Variants in SYNDIG1 observed in about 807,000 individuals in gnomAD.
SYNDIG1 encodes synapse differentiation inducing 1, also known as synapse differentiation-inducing gene protein 1.
A neutral mutation model predicts 19.4 loss-of-function variants in SYNDIG1; 9 were observed. The ratio of observed to expected loss-of-function variants is 0.46; its 90% CI spans 0.28 to 0.81. SYNDIG1 has a LOEUF of 0.81. Ranked by LOEUF, SYNDIG1 falls within the 30% of genes least tolerant of loss-of-function variation. The probability of loss-of-function intolerance (pLI) is 0.12; values close to 1 mark genes in which losing one functional copy is unlikely to be tolerated. For missense variants in SYNDIG1, 311 were observed against 343.3 expected (o/e 0.91, Z 0.74); for synonymous variants, 141 against 145.9 (o/e 0.97, Z 0.24).
chr20:24,595,490 C>T lies in SYNDIG1; in HGVS notation c.618+10497C>T, dbSNP rs1052216285. ...GTTAAGTCTTTGCCAGGTTTTGGTACCAGGATGATACTGACCTCATAGGAT... is the reference window on the plus strand; with the variant it reads ...GTTAAGTCTTTGCCAGGTTTTGGTATCAGGATGATACTGACCTCATAGGAT... On this transcript the variant is annotated intron_variant, in intron 3 of 3. Transcript: ENST00000376862. Among the ~76,000 whole-genome samples, 4 of 152,048 alleles carry T rather than the reference C, an allele frequency of 2.6e-5. No homozygotes were observed. In the East Asian group the frequency reaches 5.8e-4, roughly 22 times the overall value.
At chr20:24,546,431 T>A (rs1381725575) in intron 2 of SYNDIG1, among the ~76,000 whole-genome samples, 1 of 152,254 alleles carries the variant, frequency 6.6e-6, no homozygotes, top group Non-Finnish European at 1.5e-5. Flanking sequence ...GTGATTGTTC[T>A]GCTGGTCTCA....
At chr20:24,493,907 T>G (rs1210728316) in intron 1 of SYNDIG1, among the ~76,000 whole-genome samples, 3 of 151,906 alleles carry the variant, frequency 2.0e-5, no homozygotes, top group Admixed American at 6.6e-5. Context: ...GAAGAAAAGA[T>G]AAAGGAAGGG....
intron 1 of SYNDIG1, among the ~76,000 whole-genome samples, chr20:24,487,462 G>A (rs1353943487): frequency 1.3e-5 from 2 of 152,114 alleles, no homozygotes; most frequent in Non-Finnish European, 2.9e-5. Context: ...GCCATGCTGA[G>A]TTATCTGCTC....
Position 24,497,982 on chromosome 20 carries a change from T to C in SYNDIG1, c.-79+28229T>C, listed in dbSNP as rs112385798. 2.1e-3 allele frequency among the ~76,000 whole-genome samples: 325 copies of C among 152,354 alleles called. 3 individuals carry two copies. Among genetic ancestry groups the C allele is most frequent in the African/African-American group, 7.3e-3 (303 of 41,582 alleles). ...TGGAATCTCAACACAGGCTGTCATA[T>C]AGAGCAGACTTGGCCATCAGCCAAA... On this transcript the variant is annotated intron_variant, in intron 1 of 3. Transcript: ENST00000376862.
intron 1 of SYNDIG1, among the ~76,000 whole-genome samples, chr20:24,511,766 T>C (rs2056748006): frequency 6.6e-6 from 1 of 152,148 alleles, no homozygotes; most frequent in Non-Finnish European, 1.5e-5. Flanking sequence ...CATACTTACA[T>C]GCTTTATTGC....
At chr20:24,514,679 G>A (rs1242073935) in intron 1 of SYNDIG1, among the ~76,000 whole-genome samples, 1 of 152,140 alleles carries the variant, frequency 6.6e-6, no homozygotes, top group South Asian at 2.1e-4. Flanking sequence ...AATAATGGGA[G>A]ACTTTAACAC....
rs2058130288 is a variant in SYNDIG1 at position 24,570,934 on chromosome 20, T to A, written c.481-13922T>A. On this transcript the variant is annotated intron_variant, in intron 2 of 3. Coordinates refer to ENST00000376862, the MANE Select transcript of SYNDIG1 (RefSeq NM_024893.3). ...ACACATCGTGTTACTTATTATGGAC[T>A]ATTACTCAGGAAAAAAAATGAATGA... 3.9e-5 allele frequency among the ~76,000 whole-genome samples: 6 copies of A among 152,322 alleles called. No individual in the cohort carries two copies. The South Asian group carries it at 1.2e-3, about 32-fold the overall frequency.
chr20:24,629,038 G>A (rs1326666058), intron 3 of SYNDIG1, among the ~76,000 whole-genome samples: 1 of 152,232 alleles, frequency 6.6e-6, no homozygotes, highest in Non-Finnish European at 1.5e-5. Context: ...ATCTGTCCAC[G>A]TTAGCCCCAT....
chr20:24,495,519 G>T (rs1379220574), intron 1 of SYNDIG1: 2 of 152,342 alleles, frequency 1.3e-5, no homozygotes, highest in Non-Finnish European at 1.5e-5. Context: ...GGGGCCAGGA[G>T]GGCGGCTGTG....
At chr20:24,535,041 T>G (rs940369107) in intron 1 of SYNDIG1, among the ~76,000 whole-genome samples, 2 of 152,162 alleles carry the variant, frequency 1.3e-5, no homozygotes. Context: ...GTGTGGGGTG[T>G]GGTGTTTGCT....
chr20:24,542,820 A>G (rs188345183), intron 1 of SYNDIG1, among the ~76,000 whole-genome samples, 200 bp from the exon 2 acceptor site: 110 of 152,316 alleles, frequency 7.2e-4, no homozygotes, highest in African/African-American at 2.6e-3. Flanking sequence ...CAGGTAATCA[A>G]TTTCTGCTAA....
intron 1 of SYNDIG1, among the ~76,000 whole-genome samples, chr20:24,515,993 A>G (rs1329865292): frequency 1.3e-5 from 2 of 152,228 alleles, no homozygotes; most frequent in East Asian, 1.9e-4. Context: ...AAACAGAGAT[A>G]CAGACCAATG....
rs939315495 is a variant in SYNDIG1, at chr20:24,538,774, T to A, written c.-78-4246T>A. On this transcript the variant is annotated intron_variant, in intron 1 of 3. Coordinates refer to ENST00000376862, the MANE Select transcript of SYNDIG1 (RefSeq NM_024893.3). ...CCTCACCAACACTTGTTATTTTCCG[T>A]TTTTTTTTTTAACAGTAGCCATCCC... 2.0e-3 allele frequency among the ~76,000 whole-genome samples: 57 copies of A among 27,814 alleles called. 1 individual carries two copies. The highest frequency in any genetic ancestry group is 5.3e-3 in the African/African-American group (53 of 9,932). 18.2% of individuals were successfully genotyped at this position (27,814 alleles called of 152,430 possible). A position where few individuals can be genotyped will look rare whatever the true frequency, so the allele number is the denominator to read the frequency against.
At chr20:24,580,101 T>C (rs1047942180) in intron 2 of SYNDIG1, among the ~76,000 whole-genome samples, 1 of 152,172 alleles carries the variant, frequency 6.6e-6, no homozygotes, top group Non-Finnish European at 1.5e-5. Context: ...TCTGCATGAA[T>C]TGCAGACTCC....
At chr20:24,663,246 A>C (rs1465358475) in intron 3 of SYNDIG1, among the ~76,000 whole-genome samples, 1 of 152,192 alleles carries the variant, frequency 6.6e-6, no homozygotes, top group African/African-American at 2.4e-5. Flanking sequence ...ACATATCTCC[A>C]GCGATCAGGC....
At chr20:24,470,212 CGAA>C (rs1405902848) in intron 1 of SYNDIG1, among the ~76,000 whole-genome samples, 3 of 152,148 alleles carry the variant, frequency 2.0e-5, no homozygotes, top group African/African-American at 7.2e-5. Context: ...CGGAGTGACC[CGAA>C]GGAGACCAGC....
intron 2 of SYNDIG1, among the ~76,000 whole-genome samples, chr20:24,564,000 C>T (rs2057994329): frequency 6.6e-6 from 1 of 152,180 alleles, no homozygotes; most frequent in African/African-American, 2.4e-5. Flanking sequence ...CCTGGCAGTC[C>T]TCATTGTCTC....
chr20:24,597,368 A>G (rs1272756280), intron 3 of SYNDIG1, among the ~76,000 whole-genome samples: 1 of 152,142 alleles, frequency 6.6e-6, no homozygotes, highest in Admixed American at 6.5e-5. Flanking sequence ...TGGCTGCCTT[A>G]TCCCGTCTTG....
chr20:24,534,209 A>T (rs2057317003), intron 1 of SYNDIG1, among the ~76,000 whole-genome samples: 1 of 152,142 alleles, frequency 6.6e-6, no homozygotes, highest in Non-Finnish European at 1.5e-5. Context: ...CAAACATCTA[A>T]ACTGTAACAG....
Sources: allele counts gnomAD v4.1 joint callset (sites outside exome capture counted in the v4.1 genomes callset), GRCh38; gene constraint gnomAD v4.1.1; transcripts MANE v1.5; gene names NCBI Gene and HGNC (gene_info 2026-07-23, HGNC 2026-07-21).